Variants in MCIDAS observed in about 807,000 individuals in gnomAD.
MCIDAS encodes the protein multicilin.
In MCIDAS, 23 loss-of-function variants were observed where a neutral mutation model predicts 35.4. The observed-to-expected ratio is 0.65, with a 90% CI of 0.47 to 0.92. The LOEUF (loss-of-function observed/expected upper bound fraction) is 0.92. Ranked by LOEUF, MCIDAS falls within the 40% of genes least tolerant of loss-of-function variation. The pLI is 0.00. For synonymous variants in MCIDAS, 228 were observed against 235.2 expected, an observed-to-expected ratio of 0.97 and a Z score of 0.28; for missense variants, 480 against 531.8, an observed-to-expected ratio of 0.90 and a Z score of 0.96.
At position 55,227,221 on chromosome 5, in the gene MCIDAS, G is replaced by GTGCC; in HGVS notation, c.-87_-84dup. The GTGCC allele has an allele frequency of 7.3e-7, 1 of 1,364,966 alleles. No homozygotes were observed. The highest frequency in any genetic ancestry group is 3.8e-5 in the Admixed American group (1 of 26,584). 84.6% of individuals were successfully genotyped at this position (1,364,966 alleles called of 1,614,324 possible). ...CGATCCACACCCTGCACTCCCTTCAGTGCCTGCAGGCTCCGAAGCCAGCCA... is the reference window on the plus strand; with the variant it reads ...CGATCCACACCCTGCACTCCCTTCAGTGCCTGCCTGCAGGCTCCGAAGCCAGCCA... On this transcript the variant is annotated 5_prime_UTR_variant, in exon 1 of 7. Coordinates refer to ENST00000513312, the MANE Select transcript of MCIDAS (RefSeq NM_001190787.3).
rs1280374807 is a variant in MCIDAS, at chr5:55,222,273, A to C, written c.509T>G (p.Leu170Arg). The C allele has an allele frequency of 6.5e-7, 1 of 1,535,914 alleles. No individual in the cohort carries two copies. The highest frequency in any genetic ancestry group is 8.7e-7 in the Non-Finnish European group (1 of 1,146,884). Residue 170 changes from leucine (L) to arginine (R), a missense_variant, in exon 5 of 7, where the codon CTG becomes CGG. By Grantham distance (102) the Leu-to-Arg change is moderately radical. Coordinates refer to ENST00000513312, the MANE Select transcript of MCIDAS (RefSeq NM_001190787.3). Reference protein sequence around the residue: ...LDPRALQSPPLRPPDVPPPEQ... With the variant: ...LDPRALQSPPRRPPDVPPPEQ... ...AGGCGGGGGCACGTCTGGAGGGCGCAGCGGTGGTGACTGCAGGGCCCGTGG... is the reference window on the plus strand; with the variant it reads ...AGGCGGGGGCACGTCTGGAGGGCGCCGCGGTGGTGACTGCAGGGCCCGTGG...
rs754841817 is a variant in MCIDAS at position 55,222,139 on chromosome 5, G to C, written c.606+37C>G. The C allele has an allele frequency of 5.2e-6, 8 of 1,527,230 alleles. No homozygotes were observed. The South Asian group carries it at 7.2e-5, about 14-fold the overall frequency. 94.6% of individuals were successfully genotyped at this position (1,527,230 alleles called of 1,614,324 possible). On this transcript the variant is annotated intron_variant, in intron 5 of 6. Transcript: ENST00000513312. ...CTTCCACCCTCTATATCCTGTCCCT[G>C]CCCCAGGATTCCTGGTCGCCAGACC... is the stretch of plus-strand genomic sequence containing the variant.
At chr5:55,226,707 T>C in intron 2 of MCIDAS, 40 bp from the exon 3 acceptor site, 1 of 1,439,674 alleles carries the variant, frequency 6.9e-7, no homozygotes, top group Non-Finnish European at 9.1e-7. Flanking sequence ...GGGCGGGCCC[T>C]GAGCCTCTCC....
intron 5 of MCIDAS, among the ~76,000 whole-genome samples, chr5:55,221,630 AAAAT>A (rs1466820914): frequency 1.3e-5 from 2 of 152,206 alleles, no homozygotes; most frequent in African/African-American, 4.8e-5. Flanking sequence ...ACTATTTTTA[AAAAT>A]AAATAAAATG....
chr5:55,222,758 C>A (rs2111694427), intron 4 of MCIDAS, among the ~76,000 whole-genome samples, 193 bp downstream of exon 4: 1 of 152,338 alleles, frequency 6.6e-6, no homozygotes, highest in Non-Finnish European at 1.5e-5. Flanking sequence ...CTATGTAGAT[C>A]CAGCGGTTCG....
rs1454106204 is a variant in MCIDAS at position 55,220,765 on chromosome 5, G to A, written c.759C>T (p.Ala253=). 4 of 1,533,892 alleles carry A rather than the reference G, an allele frequency of 2.6e-6. No homozygotes were observed. In the South Asian group the frequency reaches 4.8e-5, roughly 18 times the overall value. ...CCTTCGCCTTGAGCAGGAAGGGCTC[G>A]GCCGCCGCCCCACAATCCCGGGACT... ...ITQSRDCGAA[A]EPFLLKAKAK... is the part of the protein sequence containing the mutation. Residue 253 remains alanine (A), a synonymous_variant, in exon 7 of 7, where the codon GCC becomes GCT. Transcript: ENST00000513312.
chr5:55,220,574 C>T lies in MCIDAS; in HGVS notation c.950G>A (p.Gly317Glu), dbSNP rs1745334815. The change falls in exon 7 of 7, where the codon GGG (glycine) becomes GAG (glutamate). Residue 317 changes from glycine (G) to glutamate (E), a missense_variant. Physicochemically the swap from Gly to Glu is moderately conservative, Grantham distance 98 (BLOSUM62 -2). Coordinates refer to ENST00000513312, the MANE Select transcript of MCIDAS (RefSeq NM_001190787.3). Reference protein sequence around the residue: ...PEPANTDTRPGNLHGAFRGLR... With the variant: ...PEPANTDTRPENLHGAFRGLR... The stretch of plus-strand genomic sequence containing the variant: ...CCCCCGGAAGGCGCCATGCAGGTTC[C>T]CGGGCCTGGTGTCAGTATTCGCGGG... 6 of 1,535,990 alleles carry T rather than the reference C, an allele frequency of 3.9e-6. No homozygotes were observed. The highest frequency in any genetic ancestry group is 5.2e-6 in the Non-Finnish European group (6 of 1,146,878).
intron 2 of MCIDAS, 59 bp from the exon 3 acceptor site, chr5:55,226,726 C>T: frequency 7.0e-7 from 1 of 1,421,984 alleles, no homozygotes. Context: ...CCGCCAGGCT[C>T]GCAGCTAGGA....
At position 55,226,904 on chromosome 5, in the gene MCIDAS, C is replaced by T. The variant is rs1318163375; in HGVS notation, c.148G>A (p.Gly50Arg). ...GACACCGGGCTCCCGCCTGTGCATCCGGGGAAGAACTTCCGCGGAGGAGCG... is the reference window on the plus strand; with the variant it reads ...GACACCGGGCTCCCGCCTGTGCATCTGGGGAAGAACTTCCGCGGAGGAGCG... The part of the protein sequence containing the change: ...KFAPPRKFFP[G>R]CTGGSPVSVY... The change falls in exon 2 of 7, where the codon GGA (glycine) becomes AGA (arginine). Residue 50 changes from glycine to arginine, a missense_variant. By Grantham distance (125) the Gly-to-Arg change is moderately radical. Transcript: ENST00000513312. The T allele has an allele frequency of 7.0e-7, 1 of 1,421,894 alleles. No individual in the cohort carries two copies. 88.1% of individuals were successfully genotyped at this position (1,421,894 alleles called of 1,614,324 possible). A position where few individuals can be genotyped will look rare whatever the true frequency, so the allele number is the denominator to read the frequency against.
rs1417210225 is a variant in MCIDAS at position 55,221,093 on chromosome 5, T to A, written c.640A>T (p.Ile214Phe). ...ACGTTCCGCTCCTTGAGCGAGGCGA[T>A]CTCCTCCTGTTTCTGGGTCAATGTC... ...HVTLTQKQEE[I>F]ASLKERNVQL... Residue 214 changes from isoleucine (I) to phenylalanine (F), a missense_variant, in exon 6 of 7, where the codon ATC (isoleucine) becomes TTC (phenylalanine). Ile to Phe is a conservative substitution (Grantham distance 21, BLOSUM62 0). Coordinates refer to ENST00000513312, the MANE Select transcript of MCIDAS (RefSeq NM_001190787.3). The A allele has an allele frequency of 6.5e-7, 1 of 1,536,048 alleles. No homozygotes were observed. Among genetic ancestry groups the A allele is most frequent in the Non-Finnish European group, 8.7e-7 (1 of 1,146,894 alleles).
Position 55,222,251 on chromosome 5 carries a change from CG to C in MCIDAS, c.530del (p.Pro177ArgfsTer29). 3 of 1,535,992 alleles carry C rather than the reference CG, an allele frequency of 2.0e-6. No individual in the cohort carries two copies. Among genetic ancestry groups the C allele is most frequent in the Non-Finnish European group, 2.6e-6 (3 of 1,146,906 alleles). On this transcript the variant is annotated frameshift_variant, in exon 5 of 7. Coordinates refer to ENST00000513312, the MANE Select transcript of MCIDAS (RefSeq NM_001190787.3). LOFTEE classifies it high-confidence loss of function. ...SPPLRPPDVP[P>X]PEQYWKEVAD... The stretch of plus-strand genomic sequence containing the variant: ...CCACCTCCTTCCAGTATTGCTCAGG[CG>C]GGGGCACGTCTGGAGGGCGCAGCGG...
chr5:55,226,537 T>C, intron 3 of MCIDAS, 39 bp downstream of exon 3: 1 of 1,520,512 alleles, frequency 6.6e-7, no homozygotes, highest in Non-Finnish European at 8.8e-7. Context: ...AGGGTTTGGG[T>C]TGCGTGAAAC....
intron 3 of MCIDAS, among the ~76,000 whole-genome samples, chr5:55,224,032 C>T (rs1247038203): frequency 2.0e-5 from 3 of 152,160 alleles, no homozygotes; most frequent in Admixed American, 1.3e-4. Context: ...AGTTCATCCT[C>T]ATACCAGTGT....
rs1745396025 is a variant in MCIDAS at position 55,223,295 on chromosome 5, A to T, written c.310-272T>A. ...TCTCGTACCCGAAAATTCAAGCCCCATCCGAGACAGGGAACCCAGCAGGCT... is the reference window on the plus strand; with the variant it reads ...TCTCGTACCCGAAAATTCAAGCCCCTTCCGAGACAGGGAACCCAGCAGGCT... On this transcript the variant is annotated intron_variant, in intron 3 of 6. Transcript: ENST00000513312. The surrounding 1 kb of genome is among the most constrained non-coding windows in gnomAD (Gnocchi z 4.4). 6.6e-6 allele frequency among the ~76,000 whole-genome samples: 1 copy of T among 150,482 alleles called. No homozygotes were observed. The highest frequency in any genetic ancestry group is 1.5e-5 in the Non-Finnish European group (1 of 67,862).
chr5:55,226,095 T>C (rs1458805567), intron 3 of MCIDAS, among the ~76,000 whole-genome samples: 1 of 152,182 alleles, frequency 6.6e-6, no homozygotes, highest in Admixed American at 6.5e-5. Context: ...TTCTTCCAAC[T>C]GCAAATTCTC....
At chr5:55,222,854 G>T in intron 4 of MCIDAS, 97 bp downstream of exon 4, 36 of 1,038,944 alleles carry the variant, frequency 3.5e-5, no homozygotes, top group Non-Finnish European at 4.3e-5. Context: ...ACAGTTGGCT[G>T]GGTTTACCAC....
intron 6 of MCIDAS, 80 bp from the exon 7 acceptor site, chr5:55,220,886 G>A (rs1460981301): frequency 2.1e-6 from 3 of 1,461,432 alleles, no homozygotes; most frequent in South Asian, 1.3e-5. Flanking sequence ...TGACCTAGGC[G>A]CGCTACGCAC....
In MCIDAS at chr5:55,219,951, CTAGT is replaced by C. The variant is rs141631566; in HGVS notation, c.*411_*414del. On this transcript the variant is annotated 3_prime_UTR_variant, in exon 7 of 7. Coordinates refer to ENST00000513312, the MANE Select transcript of MCIDAS (RefSeq NM_001190787.3). ...TTCTGGGCCTAGAGTCCTTAAGTGACTAGTTAAAGTGATTGAAAGGTTCCAGTGT... is the reference window on the plus strand; with the variant it reads ...TTCTGGGCCTAGAGTCCTTAAGTGACTAAAGTGATTGAAAGGTTCCAGTGT... 2,108 of 156,678 alleles carry C rather than the reference CTAGT, an allele frequency of 0.013. 39 individuals are homozygous for C. The highest frequency in any genetic ancestry group is 0.044 in the African/African-American group (1,841 of 41,604). The allele number at this position is 156,678 out of a possible 1,614,324, so 9.7% of individuals were successfully genotyped here. A position where few individuals can be genotyped will look rare whatever the true frequency, so the allele number is the denominator to read the frequency against.
Position 55,222,329 on chromosome 5 carries a change from T to A in MCIDAS, c.453A>T (p.Pro151=). 1 of 1,533,998 alleles carries A rather than the reference T, an allele frequency of 6.5e-7. No homozygotes were observed. The highest frequency in any genetic ancestry group is 1.2e-5 in the South Asian group (1 of 83,880). ...GTGGCGGGGAGAGGCAGGGCCCGAA[T>A]GGTGATATGTCGCAAGGAGAGAAGG... The part of the protein sequence containing the change: ...DFPFSPCDIS[P]FGPCLSPPLD... Residue 151 remains proline, a synonymous_variant, in exon 5 of 7, where the codon CCA becomes CCT. Coordinates refer to ENST00000513312, the MANE Select transcript of MCIDAS (RefSeq NM_001190787.3).
Sources: allele counts gnomAD v4.1 joint callset (sites outside exome capture counted in the v4.1 genomes callset), GRCh38; gene constraint gnomAD v4.1.1; non-coding constraint Gnocchi (gnomAD v3.1); transcripts MANE v1.5; gene names NCBI Gene and HGNC (gene_info 2026-07-23, HGNC 2026-07-21).